NUDCD1: variants seen among roughly 807,000 people sequenced by gnomAD.
NUDCD1 encodes nudC domain-containing protein 1.
NUDCD1 carries 60 observed loss-of-function variants against 67.8 expected under a neutral mutation model. The observed-to-expected ratio is 0.88, with a 90% CI of 0.72 to 1.10. NUDCD1 has a LOEUF of 1.10. Ranked by LOEUF, NUDCD1 falls within the 50% of genes least tolerant of loss-of-function variation. The pLI is 0.00. For missense variants in NUDCD1, 643 were observed against 695.0 expected, an observed-to-expected ratio of 0.93 and a Z score of 0.84; for synonymous variants, 244 against 230.8, an observed-to-expected ratio of 1.06 and a Z score of -0.52.
intron 2 of NUDCD1, among the ~76,000 whole-genome samples, chr8:109,311,770 G>A (rs949337207): frequency 4.2e-4 from 63 of 151,696 alleles, no homozygotes; most frequent in Admixed American, 3.9e-3. Flanking sequence ...AGGACTCGGG[G>A]GAAAGAGTGG....
intron 2 of NUDCD1, chr8:109,315,522 G>A (rs1378428812): frequency 1.3e-5 from 2 of 152,098 alleles, no homozygotes; most frequent in African/African-American, 2.4e-5. Context: ...CCAAAGAAAA[G>A]TATTAACTAA....
chr8:109,313,942 C>A (rs1032925966), intron 2 of NUDCD1: 72 of 442,386 alleles, frequency 1.6e-4, no homozygotes, highest in Non-Finnish European at 1.2e-4. Flanking sequence ...CATAGTGGCT[C>A]TCTTACTTGC....
At chr8:109,275,062 C>G (rs1462526082) in intron 7 of NUDCD1, among the ~76,000 whole-genome samples, 1 of 152,072 alleles carries the variant, frequency 6.6e-6, no homozygotes, top group Non-Finnish European at 1.5e-5. Context: ...TCAGTTGATT[C>G]TCCTAAAGAA....
chr8:109,252,296 TCTAATAAC>T (rs1235251548), intron 8 of NUDCD1, among the ~76,000 whole-genome samples: 1 of 152,134 alleles, frequency 6.6e-6, no homozygotes, highest in Non-Finnish European at 1.5e-5. Flanking sequence ...GTAGGAGACT[TCTAATAAC>T]CTGGATGATT....
chr8:109,313,467 T>C (rs1355304968), intron 2 of NUDCD1, among the ~76,000 whole-genome samples: 1 of 152,196 alleles, frequency 6.6e-6, no homozygotes, highest in African/African-American at 2.4e-5. Flanking sequence ...ATGTTTACTA[T>C]TAGGAAAATA....
At chr8:109,299,744 T>C (rs1814935942) in intron 2 of NUDCD1, among the ~76,000 whole-genome samples, 1 of 152,152 alleles carries the variant, frequency 6.6e-6, no homozygotes, top group African/African-American at 2.4e-5. Flanking sequence ...CTCCCCATAC[T>C]ACCACAGCTG....
chr8:109,275,860 G>T (rs974200143), intron 6 of NUDCD1, among the ~76,000 whole-genome samples: 24 of 152,084 alleles, frequency 1.6e-4, no homozygotes, highest in Non-Finnish European at 2.8e-4. Context: ...ATGGTCGGGG[G>T]TGTGGGCATG....
At chr8:109,275,238 A>G (rs1814254460) in intron 7 of NUDCD1, 114 bp downstream of exon 7, 5 of 884,506 alleles carry the variant, frequency 5.7e-6, no homozygotes, top group Admixed American at 2.4e-5. Flanking sequence ...GTAGTATCTG[A>G]TATGTATCTT....
At chr8:109,318,064 C>T (rs142497191) in intron 2 of NUDCD1, among the ~76,000 whole-genome samples, 4 of 152,234 alleles carry the variant, frequency 2.6e-5, no homozygotes, top group African/African-American at 4.8e-5. Context: ...CCAACCTATA[C>T]ATTAGTGTCC....
intron 8 of NUDCD1, among the ~76,000 whole-genome samples, chr8:109,258,491 C>T (rs1813789616): frequency 6.6e-6 from 1 of 151,578 alleles, no homozygotes; most frequent in Non-Finnish European, 1.5e-5. Flanking sequence ...GGGCAGTCTC[C>T]CTAGGAAAAG....
At chr8:109,251,064 A>G (rs1813611318) in intron 8 of NUDCD1, among the ~76,000 whole-genome samples, 1 of 152,224 alleles carries the variant, frequency 6.6e-6, no homozygotes, top group Admixed American at 6.5e-5. Context: ...TTGGTAAAAT[A>G]AACCAGTGAA....
At chr8:109,243,616 C>T (rs1474548880) in intron 9 of NUDCD1, among the ~76,000 whole-genome samples, 1 of 152,232 alleles carries the variant, frequency 6.6e-6, no homozygotes, top group East Asian at 1.9e-4. Context: ...CTAAAACACT[C>T]AATACATGAC....
intron 8 of NUDCD1, among the ~76,000 whole-genome samples, chr8:109,270,416 G>C (rs1437998118): frequency 6.6e-6 from 1 of 151,612 alleles, no homozygotes; most frequent in Admixed American, 6.6e-5. Flanking sequence ...CAGTGAATCA[G>C]GCAATAACTG....
At chr8:109,323,505 A>C (rs1240159048) in intron 1 of NUDCD1, among the ~76,000 whole-genome samples, 2 of 152,182 alleles carry the variant, frequency 1.3e-5, no homozygotes, top group African/African-American at 4.8e-5. Flanking sequence ...ATCTTAAATA[A>C]TTTTTATGAA....
At chr8:109,307,262 G>A (rs1815129532) in intron 2 of NUDCD1, among the ~76,000 whole-genome samples, 1 of 152,164 alleles carries the variant, frequency 6.6e-6, no homozygotes, top group African/African-American at 2.4e-5. Context: ...CCCTTAAGAA[G>A]GTACTTTGTA....
At chr8:109,308,820 A>C (rs1029670984) in intron 2 of NUDCD1, among the ~76,000 whole-genome samples, 2 of 151,974 alleles carry the variant, frequency 1.3e-5, no homozygotes, top group African/African-American at 4.8e-5. Context: ...AAATATAAAA[A>C]AATTAGCCAG....
intron 8 of NUDCD1, among the ~76,000 whole-genome samples, chr8:109,255,720 T>C (rs976673925): frequency 2.7e-5 from 4 of 146,560 alleles, no homozygotes; most frequent in Non-Finnish European, 3.0e-5. Flanking sequence ...AGATGGATAA[T>C]GTGGTTATGT....
At chr8:109,329,852 G>A (rs990864225) in intron 1 of NUDCD1, 6 of 1,549,918 alleles carry the variant, frequency 3.9e-6, no homozygotes, top group Non-Finnish European at 5.2e-6. Context: ...CGATGGACAT[G>A]GGACCCTTCA....
chr8:109,302,969 G>T (rs933367046), intron 2 of NUDCD1, among the ~76,000 whole-genome samples: 1 of 152,094 alleles, frequency 6.6e-6, no homozygotes, highest in Non-Finnish European at 1.5e-5. Flanking sequence ...GCAATTACTC[G>T]CCTCCACTGT....
Sources: gnomAD v4.1 joint callset for allele counts (sites outside exome capture counted in the v4.1 genomes callset) on GRCh38, gnomAD v4.1.1 for gene constraint, MANE v1.5 for transcripts, NCBI Gene and HGNC (gene_info 2026-07-23, HGNC 2026-07-21) for gene names.